The following ASTN2 variants were observed in gnomAD, a reference collection of about 807,000 sequenced individuals.
ASTN2 encodes astrotactin 2.
In ASTN2, 54 loss-of-function variants were observed where a neutral mutation model predicts 139.8. The ratio of observed to expected loss-of-function variants is 0.39; its 90% CI spans 0.31 to 0.48. ASTN2 has a LOEUF of 0.48. Ranked by LOEUF, ASTN2 falls within the 20% of genes least tolerant of loss-of-function variation. The pLI is 0.95. For missense variants in ASTN2, 1,565 were observed against 1,725.1 expected, an observed-to-expected ratio of 0.91 and a Z score of 1.64; for synonymous variants, 756 against 719.5, an observed-to-expected ratio of 1.05 and a Z score of -0.81.
chr9:116,687,245 TG>T, intron 16 of ASTN2: 1 of 996,014 alleles, frequency 1.0e-6, no homozygotes, highest in Non-Finnish European at 1.2e-6. Flanking sequence ...CCCAGCATGC[TG>T]GGGAGGCGGG....
At chr9:116,956,639 T>C (rs1835717023) in intron 10 of ASTN2, among the ~76,000 whole-genome samples, 1 of 151,980 alleles carries the variant, frequency 6.6e-6, no homozygotes, top group Admixed American at 6.6e-5. Flanking sequence ...TCTCCATTCA[T>C]TCATGACATA....
chr9:116,701,979 G>A (rs751317745), intron 16 of ASTN2, among the ~76,000 whole-genome samples: 4 of 150,750 alleles, frequency 2.7e-5, no homozygotes, highest in Non-Finnish European at 5.9e-5. Flanking sequence ...TCAAAGAGCA[G>A]CTGCTCTGGT....
intron 6 of ASTN2, among the ~76,000 whole-genome samples, chr9:117,029,749 T>G (rs907589734): frequency 3.9e-5 from 6 of 151,946 alleles, no homozygotes; most frequent in African/African-American, 1.4e-4. Context: ...AAAAGAGTGG[T>G]GTTATTAATG....
At chr9:117,311,350 G>C (rs548140791) in intron 1 of ASTN2, among the ~76,000 whole-genome samples, 1 of 152,030 alleles carries the variant, frequency 6.6e-6, no homozygotes, top group Admixed American at 6.6e-5. Context: ...GTTAGTGACC[G>C]GTCTGGAATG....
At chr9:117,251,259 A>G (rs953391512) in intron 2 of ASTN2, among the ~76,000 whole-genome samples, 1 of 151,846 alleles carries the variant, frequency 6.6e-6, no homozygotes, top group Non-Finnish European at 1.5e-5. Context: ...TCACTTCCTT[A>G]TACCATTCAT....
chr9:117,364,950 A>AAC (rs71379275), intron 1 of ASTN2, among the ~76,000 whole-genome samples: 4,822 of 121,468 alleles, frequency 0.04, 125 homozygotes, highest in African/African-American at 0.057. Flanking sequence ...CCATCTCTAC[A>AAC]ACACACACAC....
At chr9:116,831,334 T>G (rs1831809034) in intron 11 of ASTN2, among the ~76,000 whole-genome samples, 1 of 152,176 alleles carries the variant, frequency 6.6e-6, no homozygotes, top group African/African-American at 2.4e-5. Context: ...AGAGACCTGC[T>G]TATACCCCCT....
intron 20 of ASTN2, among the ~76,000 whole-genome samples, chr9:116,468,570 C>A (rs1236520427): frequency 1.3e-5 from 2 of 152,190 alleles, no homozygotes; most frequent in Admixed American, 1.3e-4. Context: ...CCTACACTAG[C>A]CCTCACTGGC....
intron 2 of ASTN2, among the ~76,000 whole-genome samples, chr9:117,225,535 GTATATATATATA>G (rs58184768): frequency 0.031 from 1,969 of 63,930 alleles, 154 homozygotes; most frequent in African/African-American, 0.079. Flanking sequence ...CAAGCTGTAT[GTATATATATATA>G]TATATATATA....
At chr9:117,110,631 C>G (rs1169985283) in intron 4 of ASTN2, among the ~76,000 whole-genome samples, 1 of 152,108 alleles carries the variant, frequency 6.6e-6, no homozygotes, top group Non-Finnish European at 1.5e-5. Flanking sequence ...AATAATGATA[C>G]ATTCTGGACA....
chr9:117,282,908 T>G (rs1158585072), intron 2 of ASTN2, among the ~76,000 whole-genome samples: 1 of 134,486 alleles, frequency 7.4e-6, no homozygotes, highest in Non-Finnish European at 1.5e-5. Flanking sequence ...CTGACTAGCC[T>G]GGAAGAGTTG....
In ASTN2 at chr9:117,307,576, G is replaced by A. The variant is rs998638812; in HGVS notation, c.443-16063C>T. ...CTCCTGTAATGTGCTCACTAGGTTCGCCCACATATGTACATCATGCATGCT... is the reference window on the plus strand; with the variant it reads ...CTCCTGTAATGTGCTCACTAGGTTCACCCACATATGTACATCATGCATGCT... On this transcript the variant is annotated intron_variant, in intron 1 of 22. Coordinates refer to ENST00000313400, the MANE Select transcript of ASTN2 (RefSeq NM_001365068.1). Among the ~76,000 whole-genome samples the A allele has an allele frequency of 9.2e-5, 14 of 152,238 alleles. No individual in the cohort carries two copies. The East Asian group carries it at 9.7e-4, about 11-fold the overall frequency.
At chr9:116,701,533 A>C (rs755416418) in intron 16 of ASTN2, among the ~76,000 whole-genome samples, 3 of 152,204 alleles carry the variant, frequency 2.0e-5, no homozygotes, top group Non-Finnish European at 4.4e-5. Flanking sequence ...GGCCTTTGGC[A>C]CACAGTTTGC....
intron 2 of ASTN2, among the ~76,000 whole-genome samples, chr9:117,273,468 G>A (rs1176695602): frequency 2.0e-5 from 3 of 152,204 alleles, no homozygotes; most frequent in African/African-American, 7.2e-5. Context: ...TCAATGGAGT[G>A]CTGTAGAGAT....
Position 117,047,985 on chromosome 9 carries a change from C to G in ASTN2, c.1277-8020G>C, listed in dbSNP as rs916731970. On this transcript the variant is annotated intron_variant, in intron 5 of 22. Coordinates refer to ENST00000313400, the MANE Select transcript of ASTN2 (RefSeq NM_001365068.1). ...CAGAAACTTCATGATATTGTTTCTA[C>G]TATCACTCACATTTTTCGCTATGAG... Among the ~76,000 whole-genome samples, 63 of 152,140 alleles carry G rather than the reference C, an allele frequency of 4.1e-4. 2 individuals are homozygous for G. Among genetic ancestry groups the G allele is most frequent in the Non-Finnish European group, 1.0e-4 (7 of 68,028 alleles).
chr9:116,794,958 G>A (rs1276780568), intron 13 of ASTN2, among the ~76,000 whole-genome samples: 1 of 152,042 alleles, frequency 6.6e-6, no homozygotes, highest in African/African-American at 2.4e-5. Context: ...ATCGTTAAAT[G>A]TTTTTGTTTT....
chr9:116,572,792 G>A (rs1239160052), intron 19 of ASTN2, among the ~76,000 whole-genome samples: 4 of 152,206 alleles, frequency 2.6e-5, no homozygotes, highest in Non-Finnish European at 4.4e-5. Flanking sequence ...ACCCAAGGTG[G>A]AGACCCAAGG....
At chr9:116,603,103 C>T (rs1854993446) in intron 19 of ASTN2, among the ~76,000 whole-genome samples, 1 of 152,172 alleles carries the variant, frequency 6.6e-6, no homozygotes. Flanking sequence ...GAGTTGCATG[C>T]ATCCAGTGCA....
At chr9:117,307,516 T>C (rs1220786609) in intron 1 of ASTN2, among the ~76,000 whole-genome samples, 1 of 152,222 alleles carries the variant, frequency 6.6e-6, no homozygotes, top group Non-Finnish European at 1.5e-5. Context: ...CAACACAGTG[T>C]TCACAGGGAT....
Sources: gnomAD v4.1 joint callset for allele counts (sites outside exome capture counted in the v4.1 genomes callset) on GRCh38, gnomAD v4.1.1 for gene constraint, MANE v1.5 for transcripts, NCBI Gene and HGNC (gene_info 2026-07-23, HGNC 2026-07-21) for gene names.